Variants in ABCA13 observed in about 807,000 individuals in gnomAD.
The protein encoded by ABCA13 is ATP binding cassette subfamily A member 13, also known as ATP-binding cassette sub-family A member 13.
Under a neutral mutation model 478.7 loss-of-function variants are expected in ABCA13, and 476 were observed. The observed-to-expected ratio is 0.99, with a 90% CI of 0.92 to 1.07. The LOEUF (loss-of-function observed/expected upper bound fraction) is 1.07, where lower values mean the gene tolerates loss of function less well. Among genes scored for constraint, ABCA13 ranks in the 50% least tolerant of loss-of-function variants. ABCA13 has a pLI of 0.00. For missense variants in ABCA13, 6,060 were observed against 5,910.6 expected (o/e 1.03, Z -0.83); for synonymous variants, 2,252 against 2,158.9 (o/e 1.04, Z -1.20).
chr7:48,475,131 T>A (rs1827938129), intron 45 of ABCA13, among the ~76,000 whole-genome samples: 1 of 152,164 alleles, frequency 6.6e-6, no homozygotes, highest in African/African-American at 2.4e-5. Flanking sequence ...GTCCTTCCCT[T>A]TTGTGGCAGC....
At chr7:48,323,751 G>C (rs1485689911) in intron 27 of ABCA13, among the ~76,000 whole-genome samples, 1 of 152,168 alleles carries the variant, frequency 6.6e-6, no homozygotes, top group East Asian at 1.9e-4. Flanking sequence ...TGGTTTGGCT[G>C]TGCCCCCACC....
In ABCA13 at chr7:48,516,783, G is replaced by A. The variant is rs756685467; in HGVS notation, c.13699G>A (p.Ala4567Thr). 5 of 1,613,770 alleles carry A rather than the reference G, an allele frequency of 3.1e-6. No homozygotes were observed. Among genetic ancestry groups the A allele is most frequent in the East Asian group, 2.2e-5 (1 of 44,868 alleles). Residue 4567 changes from alanine (A) to threonine (T), a missense_variant, in exon 52 of 62, where the codon GCT becomes ACT. By Grantham distance (58) the Ala-to-Thr change is moderately conservative. Transcript: ENST00000435803. ...CAGAATCTTTTCCAGTTCGGACGTG[G>A]CTTTCATTTCCTATGTCTCACTAAA... ...MSRIFSSSDV[A>T]FISYVSLNFI...
intron 42 of ABCA13, among the ~76,000 whole-genome samples, chr7:48,452,342 G>A (rs1188094768): frequency 6.6e-6 from 1 of 152,194 alleles, no homozygotes; most frequent in Non-Finnish European, 1.5e-5. Context: ...CACACGATAT[G>A]TTGGTGGCTG....
intron 17 of ABCA13, among the ~76,000 whole-genome samples, chr7:48,277,599 C>T (rs1292990620): frequency 6.6e-6 from 1 of 152,084 alleles, no homozygotes; most frequent in East Asian, 1.9e-4. Flanking sequence ...AGAGAATCTC[C>T]CCTGTAGCCC....
intron 41 of ABCA13, among the ~76,000 whole-genome samples, chr7:48,421,168 T>C (rs1259571680): frequency 1.3e-5 from 2 of 151,568 alleles, no homozygotes; most frequent in African/African-American, 4.9e-5. Context: ...CTGCCAGGCT[T>C]TCCCACTCTT....
chr7:48,270,517 A>G (rs933400654), intron 16 of ABCA13, among the ~76,000 whole-genome samples: 4 of 152,186 alleles, frequency 2.6e-5, no homozygotes, highest in Admixed American at 2.0e-4. Flanking sequence ...GATGGTAGTT[A>G]GGCATCTATT....
At chr7:48,374,043 A>G (rs1388972044) in intron 33 of ABCA13, among the ~76,000 whole-genome samples, 1 of 152,130 alleles carries the variant, frequency 6.6e-6, no homozygotes. Context: ...TCCAGTTTTC[A>G]CTGTTTTGTG....
intron 41 of ABCA13, among the ~76,000 whole-genome samples, chr7:48,426,154 C>A (rs13247279): frequency 0.27 from 41,758 of 151,956 alleles, 5,891 homozygotes; most frequent in East Asian, 0.37. Flanking sequence ...CATTCTTCTT[C>A]TTATTATTAT....
At chr7:48,355,995 GA>G (rs1469753426) in intron 31 of ABCA13, among the ~76,000 whole-genome samples, 1 of 151,872 alleles carries the variant, frequency 6.6e-6, no homozygotes, top group African/African-American at 2.4e-5. Context: ...AGTATAGATA[GA>G]AAAATAGAGA....
chr7:48,418,062 A>C (rs1303773817), intron 41 of ABCA13, among the ~76,000 whole-genome samples: 1 of 152,208 alleles, frequency 6.6e-6, no homozygotes. Context: ...TGAATGTACC[A>C]TAGTCTATTT....
At chr7:48,329,418 A>G (rs563304740) in intron 27 of ABCA13, among the ~76,000 whole-genome samples, 1 of 152,302 alleles carries the variant, frequency 6.6e-6, no homozygotes, top group South Asian at 2.1e-4. Context: ...GGGCATTATA[A>G]TTGAGTGTTA....
chr7:48,181,025 A>T (rs1021869580), intron 1 of ABCA13, among the ~76,000 whole-genome samples: 2 of 152,236 alleles, frequency 1.3e-5, no homozygotes, highest in African/African-American at 4.8e-5. Context: ...GCCCAAAGGG[A>T]ACTCAAATTA....
rs1165648597 is a variant in ABCA13, at chr7:48,522,481, G to A, written c.14052-1767G>A. On this transcript the variant is annotated intron_variant, in intron 53 of 61. Transcript: ENST00000435803. ...CCTAGGTGCTGGCTGGGTTGGAACA[G>A]CCACACTGTTCAGATATGAGATATG... Among the ~76,000 whole-genome samples the A allele has an allele frequency of 2.0e-5, 3 of 152,182 alleles. No individual in the cohort carries two copies. In the South Asian group the frequency reaches 6.2e-4, roughly 31 times the overall value.
intron 61 of ABCA13, among the ~76,000 whole-genome samples, 172 bp downstream of exon 61, chr7:48,644,926 G>C (rs1253300860): frequency 6.6e-6 from 1 of 152,054 alleles, no homozygotes; most frequent in Non-Finnish European, 1.5e-5. Context: ...TTTGTTTACT[G>C]TATACCCTTC....
intron 55 of ABCA13, among the ~76,000 whole-genome samples, chr7:48,567,321 T>C (rs1259281280): frequency 1.3e-5 from 2 of 152,078 alleles, no homozygotes; most frequent in Non-Finnish European, 2.9e-5. Flanking sequence ...GTATGGGCCT[T>C]GGGCAGTGCA....
At chr7:48,319,291 A>T (rs998346639) in intron 27 of ABCA13, among the ~76,000 whole-genome samples, 1 of 152,162 alleles carries the variant, frequency 6.6e-6, no homozygotes, top group East Asian at 1.9e-4. Context: ...TTGAGAGCTG[A>T]TGTCTTTTTT....
rs181522771 is a variant in ABCA13 at position 48,575,314 on chromosome 7, T to C, written c.14355-4910T>C. Among the ~76,000 whole-genome samples, 59 of 152,154 alleles carry C rather than the reference T, an allele frequency of 3.9e-4. 1 individual carries two copies. The highest frequency in any genetic ancestry group is 2.2e-3 in the Admixed American group (33 of 15,262). ...TTATTATTTAAATATAAGGGAATGG[T>C]TTTTTAAAAGTTGATACTCTAAAGA... On this transcript the variant is annotated intron_variant, in intron 55 of 61. Coordinates refer to ENST00000435803, the MANE Select transcript of ABCA13 (RefSeq NM_152701.5).
At chr7:48,521,394 A>C (rs967390769) in intron 53 of ABCA13, among the ~76,000 whole-genome samples, 1 of 152,152 alleles carries the variant, frequency 6.6e-6, no homozygotes, top group Non-Finnish European at 1.5e-5. Flanking sequence ...TCATAGAATT[A>C]TTTTTCCTTT....
chr7:48,645,544 C>A lies in ABCA13; in HGVS notation c.*32C>A. 6.6e-7 allele frequency: 1 copy of A among 1,513,086 alleles called. No individual in the cohort carries two copies. The allele number at this position is 1,513,086 out of a possible 1,614,324, so 93.7% of individuals were successfully genotyped here. A position where few individuals can be genotyped will look rare whatever the true frequency, so the allele number is the denominator to read the frequency against. On this transcript the variant is annotated 3_prime_UTR_variant, in exon 62 of 62. Coordinates refer to ENST00000435803, the MANE Select transcript of ABCA13 (RefSeq NM_152701.5). Reference sequence around the variant, plus strand: ...AAGAAGTTTCCATAAGGAATAAAACCTTGTCTTCCATTACAATTAACAGTC... The same window carrying A: ...AAGAAGTTTCCATAAGGAATAAAACATTGTCTTCCATTACAATTAACAGTC...
Sources: allele counts gnomAD v4.1 joint callset (sites outside exome capture counted in the v4.1 genomes callset), GRCh38; gene constraint gnomAD v4.1.1; transcripts MANE v1.5; gene names NCBI Gene and HGNC (gene_info 2026-07-23, HGNC 2026-07-21).